TRDN: variants seen among roughly 807,000 people sequenced by gnomAD.
TRDN encodes the protein triadin.
A neutral mutation model predicts 149.7 loss-of-function variants in TRDN; 161 were observed. The observed-to-expected ratio is 1.08, with a 90% CI of 0.95 to 1.23. TRDN has a LOEUF of 1.23. Ranked by LOEUF, TRDN falls within the 50% of genes most tolerant of loss-of-function variation. TRDN has a pLI of 0.00. For synonymous variants in TRDN, 294 were observed against 250.5 expected, an observed-to-expected ratio of 1.17 and a Z score of -1.64; for missense variants, 896 against 823.5, an observed-to-expected ratio of 1.09 and a Z score of -1.08.
rs188696639 is a variant in TRDN at position 123,564,094 on chromosome 6, T to C, written c.232+6829A>G. Among the ~76,000 whole-genome samples the C allele has an allele frequency of 4.9e-4, 75 of 152,334 alleles. No individual in the cohort carries two copies. The East Asian group carries it at 9.3e-3, about 19-fold the overall frequency. The stretch of plus-strand genomic sequence containing the variant: ...ATCTTTTTCCTCATTTCATGAAGAA[T>C]TGATACACTTTTTATTAGAGTCTGG... On this transcript the variant is annotated intron_variant, in intron 2 of 40. Coordinates refer to ENST00000334268, the MANE Select transcript of TRDN (RefSeq NM_006073.4).
chr6:123,483,070 TTATTATTA>T (rs1562339254), intron 9 of TRDN, among the ~76,000 whole-genome samples: 30 of 17,284 alleles, frequency 1.7e-3, no homozygotes, highest in African/African-American at 6.7e-3. Flanking sequence ...TTCTCATTTA[TTATTATTA>T]TTATTATTAT....
At chr6:123,389,965 G>A (rs568832449) in intron 13 of TRDN, among the ~76,000 whole-genome samples, 188 of 152,206 alleles carry the variant, frequency 1.2e-3, no homozygotes, top group African/African-American at 4.1e-3. Flanking sequence ...AGACTTTGTT[G>A]TTGATTCTTT....
chr6:123,287,020 T>A (rs1777827256), intron 24 of TRDN, among the ~76,000 whole-genome samples: 2 of 152,148 alleles, frequency 1.3e-5, no homozygotes, highest in South Asian at 4.1e-4. Context: ...GATAAAATCA[T>A]CATTCACCAC....
chr6:123,221,135 A>AT (rs1394957461), intron 40 of TRDN, among the ~76,000 whole-genome samples: 3 of 151,778 alleles, frequency 2.0e-5, no homozygotes, highest in Non-Finnish European at 4.4e-5. Flanking sequence ...TCTACCTGAT[A>AT]TAAAAAAATT....
intron 1 of TRDN, among the ~76,000 whole-genome samples, chr6:123,580,637 C>A (rs1247820703): frequency 6.6e-6 from 1 of 152,004 alleles, no homozygotes; most frequent in South Asian, 2.1e-4. Context: ...ATTATTATAC[C>A]CTTTATAAAA....
intron 24 of TRDN, among the ~76,000 whole-genome samples, chr6:123,307,835 T>C (rs1778669208): frequency 6.6e-6 from 1 of 152,060 alleles, no homozygotes; most frequent in Admixed American, 6.6e-5. Context: ...TTTTCTTTTT[T>C]CTTATGCTCA....
intron 1 of TRDN, among the ~76,000 whole-genome samples, chr6:123,616,488 T>A (rs1785090709): frequency 6.6e-6 from 1 of 152,212 alleles, no homozygotes; most frequent in South Asian, 2.1e-4. Flanking sequence ...AATTTTACAT[T>A]TTATTCTGTA....
chr6:123,401,660 G>A (rs1307328850), intron 12 of TRDN, among the ~76,000 whole-genome samples: 1 of 152,096 alleles, frequency 6.6e-6, no homozygotes, highest in East Asian at 1.9e-4. Context: ...AAGATTTAAA[G>A]GAGGCCGGGT....
chr6:123,354,315 A>C (rs1210656174), intron 20 of TRDN, among the ~76,000 whole-genome samples: 1 of 151,872 alleles, frequency 6.6e-6, no homozygotes, highest in African/African-American at 2.4e-5. Context: ...AGATAATGCT[A>C]CAAGGGCTGT....
intron 2 of TRDN, among the ~76,000 whole-genome samples, chr6:123,566,367 A>G (rs529606562): frequency 1.3e-3 from 202 of 152,354 alleles, no homozygotes; most frequent in Non-Finnish European, 2.4e-3. Flanking sequence ...ATGAACCACA[A>G]ATAAAAGCCA....
chr6:123,492,319 G>C (rs1778255332), intron 9 of TRDN, among the ~76,000 whole-genome samples: 1 of 152,102 alleles, frequency 6.6e-6, no homozygotes, highest in Non-Finnish European at 1.5e-5. Flanking sequence ...TAGTTACAGA[G>C]ATGAAAGCTA....
rs34851056 is a variant in TRDN, at chr6:123,596,952, C to A, written c.23-25820G>T. Among the ~76,000 whole-genome samples, 475 of 152,124 alleles carry A rather than the reference C, an allele frequency of 3.1e-3. 2 individuals are homozygous for A. Among genetic ancestry groups the A allele is most frequent in the Non-Finnish European group, 3.3e-3 (225 of 67,940 alleles). ...TTTTGATGCCCCCTAACACAAAAAT[C>A]TTTTCTGTGGCCCATGGATCAAAGA... On this transcript the variant is annotated intron_variant, in intron 1 of 40. Transcript: ENST00000334268.
chr6:123,415,691 G>C (rs1773619949), intron 12 of TRDN, among the ~76,000 whole-genome samples: 2 of 152,158 alleles, frequency 1.3e-5, no homozygotes. Flanking sequence ...TACTGTTGTA[G>C]AGACCTAAGA....
At chr6:123,628,302 G>C (rs1349121964) in intron 1 of TRDN, among the ~76,000 whole-genome samples, 2 of 151,978 alleles carry the variant, frequency 1.3e-5, no homozygotes, top group African/African-American at 2.4e-5. Flanking sequence ...CAATATTGTT[G>C]TGTCTCGGGG....
At chr6:123,631,387 C>G (rs2114742450) in intron 1 of TRDN, among the ~76,000 whole-genome samples, 1 of 152,026 alleles carries the variant, frequency 6.6e-6, no homozygotes, top group South Asian at 2.1e-4. Flanking sequence ...TGACCTATCT[C>G]AAAAACAAAC....
intron 9 of TRDN, among the ~76,000 whole-genome samples, chr6:123,476,639 A>T (rs1374208942): frequency 2.0e-5 from 3 of 148,388 alleles, no homozygotes; most frequent in African/African-American, 7.4e-5. Context: ...TGGAGGCATC[A>T]CACTACCTGA....
rs772430135 is a variant in TRDN at position 123,252,424 on chromosome 6, C to A, written c.1963G>T (p.Ala655Ser). Reference protein sequence around the residue: ...LHNVTKAEKPARVSKDVEDVP... With the variant: ...LHNVTKAEKPSRVSKDVEDVP... ...AAACCGTACTTACTTGATACTCTTGCAGGTTTTTCTGCTAAAAAGAGAAAA... is the reference window on the plus strand; with the variant it reads ...AAACCGTACTTACTTGATACTCTTGAAGGTTTTTCTGCTAAAAAGAGAAAA... Residue 655 changes from alanine to serine, a missense_variant, in exon 38 of 41, where the codon GCA becomes TCA. Ala to Ser is a moderately conservative substitution (Grantham distance 99). Transcript: ENST00000334268. 5 of 1,520,710 alleles carry A rather than the reference C, an allele frequency of 3.3e-6. No homozygotes were observed. Among genetic ancestry groups the A allele is most frequent in the Non-Finnish European group, 3.6e-6 (4 of 1,115,436 alleles). The allele number at this position is 1,520,710 out of a possible 1,614,324, so 94.2% of individuals were successfully genotyped here.
At position 123,427,280 on chromosome 6, in the gene TRDN, G is replaced by GT. The variant is rs796782083; in HGVS notation, c.1051+10782dup. 2.4e-3 allele frequency among the ~76,000 whole-genome samples: 335 copies of GT among 139,176 alleles called. 1 individual carries two copies. The highest frequency in any genetic ancestry group is 0.024 in the South Asian group (104 of 4,414). 91.3% of individuals were successfully genotyped at this position (139,176 alleles called of 152,430 possible). ...GAATAAACTCTTGACCACGCCTTTT[G>GT]TTTTTTTTTTTTAATAACTAACCTT... On this transcript the variant is annotated intron_variant, in intron 12 of 40. Transcript: ENST00000334268.
chr6:123,393,767 G>A lies in TRDN; in HGVS notation c.1052-90C>T, dbSNP rs186600042. On this transcript the variant is annotated intron_variant, in intron 12 of 40. Transcript: ENST00000334268. ...GGGACAGGGGAGCACAAACACAAACGAGCATAAAAAGTGTTGCTTTTGACA... is the reference window on the plus strand; with the variant it reads ...GGGACAGGGGAGCACAAACACAAACAAGCATAAAAAGTGTTGCTTTTGACA... 49 of 1,254,926 alleles carry A rather than the reference G, an allele frequency of 3.9e-5. No homozygotes were observed. In the East Asian group the frequency reaches 1.1e-3, roughly 27 times the overall value. 77.7% of individuals were successfully genotyped at this position (1,254,926 alleles called of 1,614,324 possible).
Sources: allele counts gnomAD v4.1 joint callset (sites outside exome capture counted in the v4.1 genomes callset), GRCh38; gene constraint gnomAD v4.1.1; transcripts MANE v1.5; gene names NCBI Gene and HGNC (gene_info 2026-07-23, HGNC 2026-07-21).